TPRG1: variants seen among roughly 807,000 people sequenced by gnomAD.
TPRG1 encodes the protein tumor protein p63-regulated gene 1 protein.
TPRG1 carries 29 observed loss-of-function variants against 29.3 expected under a neutral mutation model. That is an observed-to-expected ratio of 0.99 (90% CI 0.74 to 1.35). TPRG1 has a LOEUF of 1.35. TPRG1 is among the 40% of genes most tolerant of loss of function. The pLI is 0.00. For synonymous variants in TPRG1, 130 were observed against 116.8 expected (o/e 1.11, Z -0.73); for missense variants, 327 against 335.0 (o/e 0.98, Z 0.19).
In TPRG1 at chr3:189,207,473, C is replaced by A. The variant is rs778674338; in HGVS notation, c.89C>A (p.Ser30Ter). The change falls in exon 2 of 6, where the codon TCG (serine) becomes TAG (stop). Residue 30 changes from serine (S) to a stop codon, truncating the protein, a stop_gained. Coordinates refer to ENST00000345063, the MANE Select transcript of TPRG1 (RefSeq NM_198485.4). LOFTEE classifies it high-confidence loss of function. ...CAACCCTCTGAGACTGACCACCTAT[C>A]GATGGAGGAAGAGGACCCGATGCCA... is the stretch of plus-strand genomic sequence containing the variant. ...DDQPSETDHL[S>*]MEEEDPMPRQ... 12 of 1,613,894 alleles carry A rather than the reference C, an allele frequency of 7.4e-6. No homozygotes were observed. The Admixed American group carries it at 1.5e-4, about 20-fold the overall frequency.
chr3:189,073,617 T>C (rs1024637994), intron 4 of TPRG1, among the ~76,000 whole-genome samples: 1 of 152,196 alleles, frequency 6.6e-6, no homozygotes, highest in Non-Finnish European at 1.5e-5. Context: ...AATTTTGTTT[T>C]GAATATGTAG....
intron 3 of TPRG1, among the ~76,000 whole-genome samples, chr3:189,136,474 A>G (rs1168249610): frequency 1.3e-5 from 2 of 152,236 alleles, no homozygotes; most frequent in East Asian, 3.9e-4. Context: ...TTCTTGCGGG[A>G]TATTGTGCTC....
intron 2 of TPRG1, among the ~76,000 whole-genome samples, chr3:189,208,731 T>C (rs1333052867): frequency 6.6e-6 from 1 of 152,210 alleles, no homozygotes; most frequent in Non-Finnish European, 1.5e-5. Flanking sequence ...CTTTATTGAA[T>C]ATGCAAAGTT....
intron 5 of TPRG1, among the ~76,000 whole-genome samples, chr3:189,159,834 T>TTGTGTGTGTG (rs779237990): frequency 6.3e-4 from 60 of 95,462 alleles, no homozygotes; most frequent in Middle Eastern, 4.3e-3. Context: ...CATGGAGTGT[T>TTGTGTGTGTG]TGTGTATGTG....
chr3:189,130,853 T>C (rs1723032849), intron 2 of TPRG1, among the ~76,000 whole-genome samples: 2 of 152,164 alleles, frequency 1.3e-5, no homozygotes, highest in African/African-American at 4.8e-5. Flanking sequence ...TAACCTGAGT[T>C]TGAGATGCAG....
chr3:189,262,971 G>C (rs1393023661), intron 4 of TPRG1, among the ~76,000 whole-genome samples: 2 of 152,240 alleles, frequency 1.3e-5, no homozygotes, highest in African/African-American at 4.8e-5. Context: ...GATGGCAAGA[G>C]AGAGAGCAAG....
At chr3:189,269,287 G>A (rs1040712475) in intron 4 of TPRG1, among the ~76,000 whole-genome samples, 3 of 152,066 alleles carry the variant, frequency 2.0e-5, no homozygotes, top group Admixed American at 6.6e-5. Context: ...TCTCAAGGTC[G>A]TAAACTGTGA....
intron 5 of TPRG1, among the ~76,000 whole-genome samples, chr3:189,158,922 TTTTTTGTTTTTTTTTG>T (rs1210508286): frequency 6.6e-6 from 1 of 151,574 alleles, no homozygotes; most frequent in African/African-American, 2.4e-5. Flanking sequence ...ATCAAGTTTT[TTTTTTGTTTTTTTTTG>T]TTTTTGTTTT....
At chr3:189,054,838 T>G (rs1487631855) in intron 4 of TPRG1, among the ~76,000 whole-genome samples, 2 of 151,916 alleles carry the variant, frequency 1.3e-5, no homozygotes, top group African/African-American at 4.8e-5. Context: ...ATAATGACAA[T>G]GAAAAAATGT....
intron 1 of TPRG1, among the ~76,000 whole-genome samples, chr3:189,199,067 AG>A (rs1733026551): frequency 6.6e-6 from 1 of 152,198 alleles, no homozygotes; most frequent in Non-Finnish European, 1.5e-5. Flanking sequence ...CTTTGGCCCT[AG>A]ACTGGGTGAG....
intron 1 of TPRG1, among the ~76,000 whole-genome samples, chr3:189,200,081 T>C (rs779774355): frequency 8.5e-5 from 13 of 152,126 alleles, no homozygotes; most frequent in African/African-American, 2.7e-4. Flanking sequence ...GGCCTAGCCC[T>C]GTATTCTTCC....
At chr3:189,070,041 A>C (rs904049315) in intron 4 of TPRG1, among the ~76,000 whole-genome samples, 7 of 152,318 alleles carry the variant, frequency 4.6e-5, no homozygotes, top group African/African-American at 1.2e-4. Context: ...AGATCACGCC[A>C]CTGCACTCCA....
intron 1 of TPRG1, among the ~76,000 whole-genome samples, chr3:189,101,196 C>T (rs527346949): frequency 5.1e-4 from 77 of 152,218 alleles, no homozygotes; most frequent in African/African-American, 1.7e-3. Context: ...TTCATGCCAG[C>T]GAACCCTCAC....
chr3:189,222,723 G>A (rs16864109), intron 3 of TPRG1, among the ~76,000 whole-genome samples: 10,120 of 152,270 alleles, frequency 0.066, 461 homozygotes, highest in Admixed American at 0.17. Flanking sequence ...ATATACGTCT[G>A]TTACATCCAC....
chr3:189,183,356 G>A (rs957004240), intron 1 of TPRG1, among the ~76,000 whole-genome samples: 4 of 152,178 alleles, frequency 2.6e-5, no homozygotes, highest in African/African-American at 9.7e-5. Context: ...GGCAGGGCAA[G>A]ATCACAGCAC....
chr3:189,165,979 C>G (rs1456324513), intron 5 of TPRG1, among the ~76,000 whole-genome samples: 1 of 152,138 alleles, frequency 6.6e-6, no homozygotes, highest in Non-Finnish European at 1.5e-5. Flanking sequence ...TCTCTGGAAA[C>G]CCAGAGAGCA....
intron 4 of TPRG1, among the ~76,000 whole-genome samples, chr3:189,026,098 C>G (rs558679146): frequency 6.6e-5 from 10 of 152,178 alleles, no homozygotes; most frequent in African/African-American, 1.7e-4. Context: ...CAACAAAATG[C>G]CACAGATTGG....
intron 2 of TPRG1, among the ~76,000 whole-genome samples, chr3:189,207,823 C>A (rs919593956): frequency 6.6e-6 from 1 of 152,200 alleles, no homozygotes; most frequent in South Asian, 2.1e-4. Context: ...AGAAGTGTGT[C>A]CTCGAGCTTC....
intron 4 of TPRG1, among the ~76,000 whole-genome samples, chr3:189,273,459 A>G (rs1290750294): frequency 1.3e-5 from 2 of 152,216 alleles, no homozygotes; most frequent in Admixed American, 1.3e-4. Context: ...TCACTAGGCT[A>G]ACTGTGCTTA....
Sources: gnomAD v4.1 joint callset for allele counts (sites outside exome capture counted in the v4.1 genomes callset) on GRCh38, gnomAD v4.1.1 for gene constraint, MANE v1.5 for transcripts, NCBI Gene and HGNC (gene_info 2026-07-23, HGNC 2026-07-21) for gene names.